The following SVEP1 variants were observed in gnomAD, a reference collection of about 807,000 sequenced individuals.
The protein encoded by SVEP1 is sushi, von Willebrand factor type A, EGF and pentraxin domain containing 1.
In SVEP1, 164 loss-of-function variants were observed where a neutral mutation model predicts 367.3. That is an observed-to-expected ratio of 0.45 (90% confidence interval 0.39 to 0.51). SVEP1 has a LOEUF of 0.51. SVEP1 is among the 20% of genes least tolerant of loss of function. The pLI is 0.00. For synonymous variants in SVEP1, 1,666 were observed against 1,611.6 expected, an observed-to-expected ratio of 1.03 and a Z score of -0.81; for missense variants, 4,117 against 4,425.3, an observed-to-expected ratio of 0.93 and a Z score of 1.98.
intron 3 of SVEP1, among the ~76,000 whole-genome samples, chr9:110,519,428 C>T (rs1384859725): frequency 6.6e-6 from 1 of 152,118 alleles, no homozygotes. Context: ...CTGAGTGAAT[C>T]TCCAGCATCC....
chr9:110,398,809 C>T (rs1827810638), intron 40 of SVEP1, among the ~76,000 whole-genome samples: 1 of 152,152 alleles, frequency 6.6e-6, no homozygotes, highest in Non-Finnish European at 1.5e-5. Context: ...CATCTCACAC[C>T]AGTTAGAATG....
At chr9:110,432,877 T>C (rs1194260673) in intron 30 of SVEP1, among the ~76,000 whole-genome samples, 2 of 152,182 alleles carry the variant, frequency 1.3e-5, no homozygotes, top group African/African-American at 4.8e-5. Context: ...CTGATAAAGT[T>C]TGGATATTTG....
At chr9:110,397,535 G>C (rs1323971388) in intron 40 of SVEP1, among the ~76,000 whole-genome samples, 1 of 152,148 alleles carries the variant, frequency 6.6e-6, no homozygotes, top group East Asian at 1.9e-4. Context: ...ATTCAATTAG[G>C]AAAAGAGGAA....
At chr9:110,428,926 T>G (rs1828303902) in intron 35 of SVEP1, among the ~76,000 whole-genome samples, 1 of 152,054 alleles carries the variant, frequency 6.6e-6, no homozygotes, top group East Asian at 1.9e-4. Flanking sequence ...AAAAATTAGC[T>G]GGGCATAGTG....
intron 3 of SVEP1, among the ~76,000 whole-genome samples, chr9:110,514,901 T>C (rs1829780669): frequency 6.6e-6 from 1 of 152,178 alleles, no homozygotes; most frequent in Non-Finnish European, 1.5e-5. Context: ...ACTTAGCCCA[T>C]TGTTTCTGTT....
At chr9:110,470,591 C>T (rs1333093924) in intron 16 of SVEP1, among the ~76,000 whole-genome samples, 2 of 151,770 alleles carry the variant, frequency 1.3e-5, no homozygotes, top group African/African-American at 2.4e-5. Flanking sequence ...TGCCATCATG[C>T]TTGGCTAATT....
rs1827519329 is a variant in SVEP1 at position 110,386,183 on chromosome 9, A to G, written c.10061-109T>C. The G allele has an allele frequency of 3.3e-6, 4 of 1,205,296 alleles. No homozygotes were observed. The East Asian group carries it at 7.8e-5, about 24-fold the overall frequency. The allele number at this position is 1,205,296 out of a possible 1,614,324, so 74.7% of individuals were successfully genotyped here. On this transcript the variant is annotated intron_variant, in intron 42 of 47. Transcript: ENST00000374469. ...AAGAGATGGGTTCTCAATAATGATC[A>G]TATAAGGTTTAAAAATATGGAACTC...
Position 110,407,182 on chromosome 9 carries a change from C to T in SVEP1, c.8418G>A (p.Val2806=), listed in dbSNP as rs1827968909. ...ATGTTCTCCTCTCAGTGCCATTCAG[C>T]ACATATCCGGGGTCACACTCATAGT... ...TLYYECDPGY[V]LNGTERRTCQ... Residue 2806 remains valine (V), a synonymous_variant, in exon 38 of 48, where the codon GTG becomes GTA. Coordinates refer to ENST00000374469, the MANE Select transcript of SVEP1 (RefSeq NM_153366.4). The T allele has an allele frequency of 6.2e-7, 1 of 1,613,994 alleles. No homozygotes were observed.
chr9:110,380,816 G>A (rs1827422107), intron 43 of SVEP1, among the ~76,000 whole-genome samples: 1 of 152,106 alleles, frequency 6.6e-6, no homozygotes, highest in African/African-American at 2.4e-5. Flanking sequence ...AATCTGTCTG[G>A]TCCTTGGCTT....
At chr9:110,477,039 T>C (rs959483031) in intron 13 of SVEP1, among the ~76,000 whole-genome samples, 1 of 152,190 alleles carries the variant, frequency 6.6e-6, no homozygotes, top group African/African-American at 2.4e-5. Flanking sequence ...TTATAGTTCT[T>C]GGTGATTTCT....
At chr9:110,390,334 C>CTTAT (rs1564127558) in intron 40 of SVEP1, among the ~76,000 whole-genome samples, 1 of 27,536 alleles carries the variant, frequency 3.6e-5, no homozygotes, top group African/African-American at 2.4e-4. Context: ...CTTATATATA[C>CTTAT]ACATACTTAT....
At chr9:110,380,391 G>A (rs1827416941) in intron 43 of SVEP1, among the ~76,000 whole-genome samples, 2 of 152,046 alleles carry the variant, frequency 1.3e-5, no homozygotes, top group African/African-American at 2.4e-5. Flanking sequence ...ACTTGTTAGA[G>A]GAGATAATAA....
chr9:110,520,536 G>T (rs550469928), intron 3 of SVEP1, among the ~76,000 whole-genome samples: 2 of 152,048 alleles, frequency 1.3e-5, no homozygotes, highest in Non-Finnish European at 2.9e-5. Flanking sequence ...AGGTTATCAC[G>T]TTGTACTAAC....
chr9:110,449,412 C>T (rs1240035189), intron 24 of SVEP1, among the ~76,000 whole-genome samples: 2 of 152,152 alleles, frequency 1.3e-5, no homozygotes, highest in Non-Finnish European at 2.9e-5. Flanking sequence ...ATTGCAGATT[C>T]CATTTTGATT....
At chr9:110,487,033 C>T (rs368053368) in intron 9 of SVEP1, among the ~76,000 whole-genome samples, 62 of 152,114 alleles carry the variant, frequency 4.1e-4, no homozygotes, top group African/African-American at 1.3e-3. Context: ...CTCAGCTCAC[C>T]GCAACCTCTG....
At chr9:110,476,880 C>T (rs1231697614) in intron 13 of SVEP1, among the ~76,000 whole-genome samples, 2 of 152,130 alleles carry the variant, frequency 1.3e-5, no homozygotes, top group Non-Finnish European at 2.9e-5. Flanking sequence ...GTTTCCAGAT[C>T]AAACTCCCTC....
In SVEP1 at chr9:110,411,393, T is replaced by A. The variant is rs1442660291; in HGVS notation, c.6318A>T (p.Ser2106=). 1 of 1,613,930 alleles carries A rather than the reference T, an allele frequency of 6.2e-7. No homozygotes were observed. Among genetic ancestry groups the A allele is most frequent in the Non-Finnish European group, 8.5e-7 (1 of 1,179,912 alleles). ...CTTCCATGCATTTAAAGCTCACAAC[T>A]GAGCCAGCTGCAAATTTTGCTTTGC... ...SVSKAKFAAG[S]VVSFKCMEGF... Residue 2106 remains serine, a synonymous_variant, in exon 37 of 48, where the codon TCA becomes TCT. Transcript: ENST00000374469.
intron 13 of SVEP1, among the ~76,000 whole-genome samples, chr9:110,478,833 T>A (rs1258038498): frequency 2.0e-5 from 3 of 152,152 alleles, no homozygotes; most frequent in African/African-American, 7.2e-5. Context: ...CTACCGAGTC[T>A]GCAGGGCATA....
chr9:110,471,604 TA>T lies in SVEP1; in HGVS notation c.2765-8del. On this transcript the variant is annotated splice_polypyrimidine_tract_variant and splice_region_variant and intron_variant, in intron 15 of 47. Transcript: ENST00000374469. ...TCGGGTAATGGCACACTAGCTGAGATAAAAACAAAATAAAACACAACACAAA... is the reference window on the plus strand; with the variant it reads ...TCGGGTAATGGCACACTAGCTGAGATAAAACAAAATAAAACACAACACAAA... 2 of 1,604,732 alleles carry T rather than the reference TA, an allele frequency of 1.2e-6. No homozygotes were observed. The highest frequency in any genetic ancestry group is 1.7e-6 in the Non-Finnish European group (2 of 1,173,612).
Sources: gnomAD v4.1 joint callset for allele counts (sites outside exome capture counted in the v4.1 genomes callset) on GRCh38, gnomAD v4.1.1 for gene constraint, MANE v1.5 for transcripts, NCBI Gene and HGNC (gene_info 2026-07-23, HGNC 2026-07-21) for gene names.